NKAIN2: variants seen among roughly 807,000 people sequenced by gnomAD.
NKAIN2 encodes sodium/potassium-transporting ATPase subunit beta-1-interacting protein 2.
In NKAIN2, 14 loss-of-function variants were observed where a neutral mutation model predicts 32.6. That is an observed-to-expected ratio of 0.43 (90% CI 0.28 to 0.67). The LOEUF is 0.67. Ranked by LOEUF, NKAIN2 falls within the 30% of genes least tolerant of loss-of-function variation. NKAIN2 has a pLI of 0.17. For missense variants in NKAIN2, 198 were observed against 258.3 expected (o/e 0.77, Z 1.60); for synonymous variants, 80 against 87.2 (o/e 0.92, Z 0.46).
chr6:124,594,341 G>C (rs547246609), intron 3 of NKAIN2, among the ~76,000 whole-genome samples: 60 of 152,328 alleles, frequency 3.9e-4, no homozygotes, highest in African/African-American at 1.4e-3. Flanking sequence ...ACAGAGAGGG[G>C]AGCCTAGGAA....
At chr6:124,761,886 G>T (rs1022905548) in intron 4 of NKAIN2, among the ~76,000 whole-genome samples, 8 of 152,036 alleles carry the variant, frequency 5.3e-5, no homozygotes, top group Non-Finnish European at 8.8e-5. Context: ...AATAGGAAGG[G>T]GAAATATGTC....
intron 1 of NKAIN2, among the ~76,000 whole-genome samples, chr6:124,170,302 A>G (rs1356124704): frequency 2.0e-5 from 3 of 152,174 alleles, no homozygotes; most frequent in Non-Finnish European, 4.4e-5. Context: ...TACACTGGGA[A>G]CAGTGTACTG....
chr6:124,071,110 G>A (rs907866282), intron 1 of NKAIN2, among the ~76,000 whole-genome samples: 3 of 151,976 alleles, frequency 2.0e-5, no homozygotes, highest in South Asian at 2.1e-4. Flanking sequence ...CTGGCCTAGC[G>A]GAAGAAAGGC....
intron 1 of NKAIN2, among the ~76,000 whole-genome samples, chr6:123,911,785 A>ATATGTATATATATATGTATATATATATG: frequency 1.1e-5 from 1 of 89,674 alleles, no homozygotes; most frequent in African/African-American, 7.8e-5. Flanking sequence ...ATACATACAT[A>ATATGTATATATATATGTATATATATATG]TATATATATA....
Position 124,279,510 on chromosome 6 carries a change from CAA to C in NKAIN2, c.55-3477_55-3476del, listed in dbSNP as rs10545991. On this transcript the variant is annotated intron_variant, in intron 1 of 6. Coordinates refer to ENST00000368417, the MANE Select transcript of NKAIN2 (RefSeq NM_001040214.3). Reference sequence around the variant, plus strand: ...TGGACAACAAAGCAAGATTCCATCTCAAAAAAAAAAAAAAAAAAAGAGTTGTA... The same window carrying C: ...TGGACAACAAAGCAAGATTCCATCTCAAAAAAAAAAAAAAAAAGAGTTGTA... Among the ~76,000 whole-genome samples the C allele has an allele frequency of 7.1e-3, 562 of 78,698 alleles. 2 individuals are homozygous for C. Among genetic ancestry groups the C allele is most frequent in the African/African-American group, 0.021 (525 of 25,198 alleles). 51.6% of individuals were successfully genotyped at this position (78,698 alleles called of 152,430 possible). A position where few individuals can be genotyped will look rare whatever the true frequency, so the allele number is the denominator to read the frequency against.
intron 3 of NKAIN2, among the ~76,000 whole-genome samples, chr6:124,585,587 T>C (rs1171574419): frequency 6.6e-6 from 1 of 152,178 alleles, no homozygotes; most frequent in African/African-American, 2.4e-5. Context: ...CTCACGAAGA[T>C]TGAAAATGTT....
At chr6:123,839,174 A>T (rs1000421257) in intron 1 of NKAIN2, among the ~76,000 whole-genome samples, 33 of 151,862 alleles carry the variant, frequency 2.2e-4, no homozygotes, top group Admixed American at 6.6e-5. Flanking sequence ...TTGAACTTGC[A>T]GAAGGAAAAA....
intron 4 of NKAIN2, among the ~76,000 whole-genome samples, chr6:124,779,640 T>C (rs1779167875): frequency 6.6e-6 from 1 of 152,148 alleles, no homozygotes; most frequent in South Asian, 2.1e-4. Flanking sequence ...CTATTATTGC[T>C]CTTTAAGCCT....
chr6:124,446,394 G>A (rs1266150520), intron 3 of NKAIN2, among the ~76,000 whole-genome samples: 2 of 152,068 alleles, frequency 1.3e-5, no homozygotes, highest in African/African-American at 2.4e-5. Context: ...CCAGGCTGGA[G>A]TGCAGTGACG....
intron 4 of NKAIN2, among the ~76,000 whole-genome samples, chr6:124,682,227 T>A (rs1215376204): frequency 1.3e-5 from 2 of 152,080 alleles, no homozygotes; most frequent in Non-Finnish European, 2.9e-5. Flanking sequence ...AAATGGCTAA[T>A]CTTTAAACAG....
intron 1 of NKAIN2, among the ~76,000 whole-genome samples, chr6:124,008,522 G>A (rs1415732569): frequency 6.6e-6 from 1 of 152,006 alleles, no homozygotes; most frequent in Non-Finnish European, 1.5e-5. Flanking sequence ...AATGGCATGT[G>A]TGAAGCAGTT....
At chr6:123,919,980 A>G (rs1775675384) in intron 1 of NKAIN2, among the ~76,000 whole-genome samples, 1 of 152,148 alleles carries the variant, frequency 6.6e-6, no homozygotes, top group Non-Finnish European at 1.5e-5. Flanking sequence ...GCATTAAAGA[A>G]TGTAGAAAAT....
rs1175943016 is a variant in NKAIN2 at position 124,469,699 on chromosome 6, T to C, written c.273+114352T>C. 3.9e-5 allele frequency among the ~76,000 whole-genome samples: 6 copies of C among 152,218 alleles called. No individual in the cohort carries two copies. In the East Asian group the frequency reaches 5.8e-4, roughly 15 times the overall value. The stretch of plus-strand genomic sequence containing the variant: ...TATAGGACTCATAGGATTCCTCTTA[T>C]AGATCTCATATATTGATCAGTTTCA... On this transcript the variant is annotated intron_variant, in intron 3 of 6. Transcript: ENST00000368417.
At chr6:124,466,386 G>A (rs1776756048) in intron 3 of NKAIN2, among the ~76,000 whole-genome samples, 1 of 152,016 alleles carries the variant, frequency 6.6e-6, no homozygotes, top group Admixed American at 6.6e-5. Flanking sequence ...TTTTAATTCA[G>A]TAATTCAGCT....
At chr6:124,221,487 C>T (rs1791817995) in intron 1 of NKAIN2, among the ~76,000 whole-genome samples, 2 of 151,352 alleles carry the variant, frequency 1.3e-5, no homozygotes, top group Non-Finnish European at 1.5e-5. Context: ...AGCGCACCAG[C>T]GTGGCACATG....
intron 4 of NKAIN2, among the ~76,000 whole-genome samples, chr6:124,754,077 G>A (rs528689950): frequency 6.6e-6 from 1 of 152,208 alleles, no homozygotes; most frequent in South Asian, 2.1e-4. Context: ...CAAAGCGCTT[G>A]TTGAATCCCT....
rs1404983183 is a variant in NKAIN2, at chr6:124,823,248, G to T, written c.*19G>T. Reference sequence around the variant, plus strand: ...AAAATAATACAGATGACTTCAGTATGTCAGCCCATGGACCTTTCAAAGAAC... The same window carrying T: ...AAAATAATACAGATGACTTCAGTATTTCAGCCCATGGACCTTTCAAAGAAC... On this transcript the variant is annotated 3_prime_UTR_variant, in exon 7 of 7. Coordinates refer to ENST00000368417, the MANE Select transcript of NKAIN2 (RefSeq NM_001040214.3). The T allele has an allele frequency of 6.3e-7, 1 of 1,578,096 alleles. No individual in the cohort carries two copies. Among genetic ancestry groups the T allele is most frequent in the South Asian group, 1.1e-5 (1 of 90,410 alleles).
At chr6:124,674,576 C>A (rs1022976860) in intron 4 of NKAIN2, among the ~76,000 whole-genome samples, 2 of 151,862 alleles carry the variant, frequency 1.3e-5, no homozygotes, top group Admixed American at 6.6e-5. Context: ...CCTTTCATAT[C>A]ATTTGTTAAG....
In NKAIN2 at chr6:124,398,717, T is replaced by C. The variant is rs560068572; in HGVS notation, c.273+43370T>C. Among the ~76,000 whole-genome samples, 6 of 152,270 alleles carry C rather than the reference T, an allele frequency of 3.9e-5. No individual in the cohort carries two copies. In the South Asian group the frequency reaches 6.2e-4, roughly 16 times the overall value. ...ACCTAAGGTGAGTACGGTGTTACAA[T>C]TGGTAATGAATGGAATGGAAAAGAC... On this transcript the variant is annotated intron_variant, in intron 3 of 6. Transcript: ENST00000368417.
Sources: gnomAD v4.1 joint callset for allele counts (sites outside exome capture counted in the v4.1 genomes callset) on GRCh38, gnomAD v4.1.1 for gene constraint, MANE v1.5 for transcripts, NCBI Gene and HGNC (gene_info 2026-07-23, HGNC 2026-07-21) for gene names.